The following BTBD16 variants were observed in gnomAD, a reference collection of about 807,000 sequenced individuals.
BTBD16 encodes BTB domain containing 16.
BTBD16 carries 66 observed loss-of-function variants against 67.4 expected under a neutral mutation model. The ratio of observed to expected loss-of-function variants is 0.98; its 90% CI spans 0.80 to 1.20. The LOEUF (loss-of-function observed/expected upper bound fraction) is 1.20. Ranked by LOEUF, BTBD16 falls within the 50% of genes most tolerant of loss-of-function variation. The pLI, the probability that BTBD16 is intolerant of heterozygous loss-of-function variation, is 0.00. For synonymous variants in BTBD16, 242 were observed against 236.4 expected, an observed-to-expected ratio of 1.02 and a Z score of -0.22; for missense variants, 634 against 616.0, an observed-to-expected ratio of 1.03 and a Z score of -0.31.
intron 10 of BTBD16, among the ~76,000 whole-genome samples, chr10:122,314,089 A>T (rs140986928): frequency 3.9e-5 from 6 of 152,354 alleles, no homozygotes; most frequent in African/African-American, 1.4e-4. Context: ...TCCACCAAAA[A>T]AGACAAGAGA....
intron 3 of BTBD16, among the ~76,000 whole-genome samples, chr10:122,277,968 G>T (rs1441260995): frequency 6.6e-6 from 1 of 152,174 alleles, no homozygotes. Flanking sequence ...CCAAATCAAA[G>T]TGAGCATGGA....
intron 10 of BTBD16, among the ~76,000 whole-genome samples, chr10:122,315,979 C>T (rs1203189297): frequency 1.3e-5 from 2 of 152,048 alleles, no homozygotes; most frequent in Non-Finnish European, 2.9e-5. Flanking sequence ...AAATAGTCCA[C>T]TCATAGGCCG....
At chr10:122,301,149 G>A (rs530456004) in intron 9 of BTBD16, among the ~76,000 whole-genome samples, 19 of 152,128 alleles carry the variant, frequency 1.2e-4, no homozygotes, top group Admixed American at 2.6e-4. Flanking sequence ...CGGAGCAAAG[G>A]TTGCGCAATT....
chr10:122,327,901 G>A (rs2096448045), intron 10 of BTBD16, among the ~76,000 whole-genome samples: 1 of 152,180 alleles, frequency 6.6e-6, no homozygotes, highest in Non-Finnish European at 1.5e-5. Flanking sequence ...TCCAGATGGG[G>A]CCTTTCCTTT....
chr10:122,329,502 C>T lies in BTBD16; in HGVS notation c.934C>T (p.Leu312=). Residue 312 remains leucine, a synonymous_variant, in exon 11 of 16, where the codon CTG becomes TTG. Coordinates refer to ENST00000260723, the MANE Select transcript of BTBD16 (RefSeq NM_144587.5). The part of the protein sequence containing the change: ...FKSFPENCCF[L]DRDIGRSLRP... ...AAGCTTTCCTGAGAACTGTTGCTTT[C>T]TGGACCGGGACATAGGACGGAGCTT... The T allele has an allele frequency of 6.2e-7, 1 of 1,613,952 alleles. No individual in the cohort carries two copies.
intron 7 of BTBD16, chr10:122,291,670 CT>C (rs1279244049): frequency 6.6e-6 from 1 of 152,580 alleles, no homozygotes; most frequent in Non-Finnish European, 1.5e-5. Context: ...GAGATAAAGT[CT>C]TGTTTTTTCT....
chr10:122,285,143 G>A (rs939589410), intron 4 of BTBD16, among the ~76,000 whole-genome samples: 1 of 152,064 alleles, frequency 6.6e-6, no homozygotes, highest in African/African-American at 2.4e-5. Context: ...CAAGAAATAC[G>A]TAGATGGGGC....
intron 6 of BTBD16, among the ~76,000 whole-genome samples, chr10:122,290,773 C>T (rs1271081769): frequency 6.6e-6 from 1 of 152,170 alleles, no homozygotes; most frequent in Non-Finnish European, 1.5e-5. Context: ...TGGGCAGTCA[C>T]ATTCCTGCGC....
chr10:122,321,044 C>T (rs2096434588), intron 10 of BTBD16, among the ~76,000 whole-genome samples: 1 of 152,144 alleles, frequency 6.6e-6, no homozygotes, highest in African/African-American at 2.4e-5. Flanking sequence ...CTATTATTCC[C>T]ATCTTTATGT....
intron 1 of BTBD16, among the ~76,000 whole-genome samples, chr10:122,272,952 A>G (rs2096332188): frequency 6.6e-6 from 1 of 152,060 alleles, no homozygotes; most frequent in Non-Finnish European, 1.5e-5. Context: ...GCTCAACCCC[A>G]CTGGTAGCCA....
chr10:122,310,248 T>C (rs1393934421), intron 10 of BTBD16, among the ~76,000 whole-genome samples: 1 of 152,256 alleles, frequency 6.6e-6, no homozygotes, highest in African/African-American at 2.4e-5. Flanking sequence ...TCAGCTTTTC[T>C]GTAGGCTCTG....
intron 10 of BTBD16, among the ~76,000 whole-genome samples, chr10:122,327,263 G>T (rs1046166004): frequency 6.6e-6 from 1 of 152,204 alleles, no homozygotes; most frequent in Non-Finnish European, 1.5e-5. Flanking sequence ...CATAACTTGG[G>T]TGATTTGGAG....
Position 122,276,812 on chromosome 10 carries a change from C to T in BTBD16, c.40C>T (p.Arg14Trp), listed in dbSNP as rs115514164. 2.2e-3 allele frequency: 3,472 copies of T among 1,614,190 alleles called. 50 individuals are homozygous for T. The African/African-American group carries it at 0.04, about 18-fold the overall frequency. Residue 14 changes from arginine (R) to tryptophan (W), a missense_variant, in exon 3 of 16, where the codon CGG becomes TGG. Coordinates refer to ENST00000260723, the MANE Select transcript of BTBD16 (RefSeq NM_144587.5). ...GCAGCACAAAGCTCGGCTGGAACGC[C>T]GGGTCACTGGCTCAACCAACCGGTG... is the stretch of plus-strand genomic sequence containing the variant. ...SNTHKARLER[R>W]VTGSTNRWRL...
At chr10:122,320,172 A>G (rs1368488447) in intron 10 of BTBD16, among the ~76,000 whole-genome samples, 2 of 152,026 alleles carry the variant, frequency 1.3e-5, no homozygotes, top group Non-Finnish European at 2.9e-5. Flanking sequence ...CTTCCTTTCT[A>G]TCTGTATGCC....
chr10:122,313,448 A>G (rs192712021), intron 10 of BTBD16, among the ~76,000 whole-genome samples: 671 of 151,432 alleles, frequency 4.4e-3, no homozygotes, highest in Non-Finnish European at 7.5e-3. Flanking sequence ...TATTTTTAGT[A>G]GAGATGGGGT....
At chr10:122,315,709 T>A (rs544884746) in intron 10 of BTBD16, among the ~76,000 whole-genome samples, 2 of 152,318 alleles carry the variant, frequency 1.3e-5, no homozygotes, top group South Asian at 4.1e-4. Flanking sequence ...TTTATGGGTC[T>A]TTTTGTGTCA....
At chr10:122,321,637 T>C (rs1004632863) in intron 10 of BTBD16, among the ~76,000 whole-genome samples, 1 of 152,272 alleles carries the variant, frequency 6.6e-6, no homozygotes, top group Non-Finnish European at 1.5e-5. Flanking sequence ...CATATGTTTG[T>C]TGGCCACTTG....
At chr10:122,323,677 G>A (rs773639160) in intron 10 of BTBD16, among the ~76,000 whole-genome samples, 2 of 152,204 alleles carry the variant, frequency 1.3e-5, no homozygotes, top group Non-Finnish European at 2.9e-5. Context: ...AATGCATTCA[G>A]TTCATGTCAG....
intron 10 of BTBD16, among the ~76,000 whole-genome samples, chr10:122,317,672 A>C (rs558137077): frequency 1.2e-4 from 18 of 151,508 alleles, no homozygotes; most frequent in Admixed American, 1.1e-3. Flanking sequence ...AACAAAAAAA[A>C]CAAAAAAACA....
Sources: allele counts gnomAD v4.1 joint callset (sites outside exome capture counted in the v4.1 genomes callset), GRCh38; gene constraint gnomAD v4.1.1; transcripts MANE v1.5; gene names NCBI Gene and HGNC (gene_info 2026-07-23, HGNC 2026-07-21).